RYR2: variants seen among roughly 807,000 people sequenced by gnomAD.
The protein encoded by RYR2 is ryanodine receptor 2.
RYR2 carries 227 observed loss-of-function variants against 601.1 expected under a neutral mutation model. That is an observed-to-expected ratio of 0.38 (90% CI 0.34 to 0.42). The LOEUF is 0.42. RYR2 is among the 10% of genes least tolerant of loss of function. The pLI is 1.00. For missense variants in RYR2, 4,646 were observed against 6,156.5 expected, an observed-to-expected ratio of 0.75 and a Z score of 8.21; for synonymous variants, 2,223 against 2,175.1, an observed-to-expected ratio of 1.02 and a Z score of -0.61.
At chr1:237,348,331 CA>C (rs927864385) in intron 3 of RYR2, among the ~76,000 whole-genome samples, 1 of 152,118 alleles carries the variant, frequency 6.6e-6, no homozygotes, top group Non-Finnish European at 1.5e-5. Context: ...GAAAGCAGAT[CA>C]AAAGCTCAGC....
intron 10 of RYR2, among the ~76,000 whole-genome samples, chr1:237,414,660 A>G (rs1199684731): frequency 6.6e-6 from 1 of 152,194 alleles, no homozygotes; most frequent in East Asian, 1.9e-4. Flanking sequence ...GCAAACATTT[A>G]TAATTTCTTT....
chr1:237,444,990 G>A (rs1708206340), intron 13 of RYR2, among the ~76,000 whole-genome samples: 1 of 152,108 alleles, frequency 6.6e-6, no homozygotes, highest in African/African-American at 2.4e-5. Context: ...GTTCAATGTA[G>A]ATATGTGAAA....
intron 80 of RYR2, among the ~76,000 whole-genome samples, chr1:237,745,268 T>C (rs1691976323): frequency 6.6e-6 from 1 of 152,212 alleles, no homozygotes; most frequent in African/African-American, 2.4e-5. Context: ...CTTAATAATA[T>C]ATTATGGGCT....
chr1:237,520,817 C>T (rs1022497477), intron 24 of RYR2, among the ~76,000 whole-genome samples: 7 of 152,052 alleles, frequency 4.6e-5, no homozygotes, highest in Non-Finnish European at 7.4e-5. Flanking sequence ...GGGTGGATCA[C>T]TTGAGGTCAG....
At chr1:237,742,783 C>A (rs1156518637) in intron 80 of RYR2, among the ~76,000 whole-genome samples, 1 of 152,208 alleles carries the variant, frequency 6.6e-6, no homozygotes, top group Non-Finnish European at 1.5e-5. Flanking sequence ...AATTAGATCA[C>A]TCATTCCATG....
chr1:237,520,454 C>T (rs1285058045), intron 24 of RYR2, among the ~76,000 whole-genome samples: 1 of 152,064 alleles, frequency 6.6e-6, no homozygotes, highest in African/African-American at 2.4e-5. Context: ...TGTATATGGC[C>T]TTTATTATTT....
intron 29 of RYR2, among the ~76,000 whole-genome samples, chr1:237,572,170 A>G (rs986729440): frequency 8.5e-5 from 13 of 152,114 alleles, no homozygotes; most frequent in Non-Finnish European, 1.0e-4. Context: ...TAGGGATGTC[A>G]AAGTATTAGT....
intron 17 of RYR2, among the ~76,000 whole-genome samples, chr1:237,471,579 A>T (rs1209572814): frequency 6.6e-6 from 1 of 152,224 alleles, no homozygotes; most frequent in Non-Finnish European, 1.5e-5. Context: ...GCCTCAGAGC[A>T]GAGTGTTAAC....
intron 10 of RYR2, among the ~76,000 whole-genome samples, chr1:237,393,535 C>A (rs1471577674): frequency 6.6e-6 from 1 of 152,160 alleles, no homozygotes; most frequent in African/African-American, 2.4e-5. Flanking sequence ...CTTTGGCCAC[C>A]ACCTAGGAGG....
At chr1:237,529,760 T>TACACACACACACACACACACACACACAC (rs71561882) in intron 24 of RYR2, among the ~76,000 whole-genome samples, 4 of 134,590 alleles carry the variant, frequency 3.0e-5, no homozygotes, top group African/African-American at 1.1e-4. Flanking sequence ...AATAATATCA[T>TACACACACACACACACACACACACACAC]ACACACACAC....
chr1:237,266,042 G>T (rs946520936), intron 1 of RYR2, among the ~76,000 whole-genome samples: 1 of 152,086 alleles, frequency 6.6e-6, no homozygotes, highest in Non-Finnish European at 1.5e-5. Flanking sequence ...GAGTATTTAA[G>T]GGTGCTTTCA....
chr1:237,509,953 GC>G (rs1415687625), intron 23 of RYR2, among the ~76,000 whole-genome samples: 1 of 152,216 alleles, frequency 6.6e-6, no homozygotes, highest in Non-Finnish European at 1.5e-5. Flanking sequence ...GGACACCTCT[GC>G]TGTGGTGTGG....
At chr1:237,407,293 A>G (rs1053742348) in intron 10 of RYR2, among the ~76,000 whole-genome samples, 1 of 152,322 alleles carries the variant, frequency 6.6e-6, no homozygotes, top group South Asian at 2.1e-4. Flanking sequence ...GTATAGACCT[A>G]ATTTATTTGG....
At chr1:237,357,286 C>T (rs1226823290) in intron 4 of RYR2, among the ~76,000 whole-genome samples, 2 of 152,114 alleles carry the variant, frequency 1.3e-5, no homozygotes, top group Non-Finnish European at 2.9e-5. Flanking sequence ...TCACATTTTT[C>T]TTGTCTTGGT....
intron 25 of RYR2, among the ~76,000 whole-genome samples, chr1:237,545,745 T>A (rs1227934645): frequency 2.0e-5 from 3 of 147,596 alleles, no homozygotes; most frequent in Non-Finnish European, 3.0e-5. Flanking sequence ...GAGCTTTTTC[T>A]TGAAAAATAA....
chr1:237,426,710 C>G (rs4388696), intron 12 of RYR2, among the ~76,000 whole-genome samples: 1 of 152,042 alleles, frequency 6.6e-6, no homozygotes, highest in Non-Finnish European at 1.5e-5. Flanking sequence ...AAACATGAAC[C>G]GGTACATCAC....
chr1:237,239,111 A>C (rs979230486), intron 1 of RYR2, among the ~76,000 whole-genome samples: 2 of 152,170 alleles, frequency 1.3e-5, no homozygotes, highest in Non-Finnish European at 2.9e-5. Flanking sequence ...TCCCATCTCT[A>C]TATATGCATA....
At chr1:237,464,578 T>A (rs756604265) in intron 16 of RYR2, among the ~76,000 whole-genome samples, 39 of 152,112 alleles carry the variant, frequency 2.6e-4, no homozygotes, top group Non-Finnish European at 4.7e-4. Flanking sequence ...CTAATATCAA[T>A]CTTCCTCAAG....
chr1:237,437,336 G>A (rs1050825662), intron 12 of RYR2, among the ~76,000 whole-genome samples: 4 of 152,158 alleles, frequency 2.6e-5, no homozygotes, highest in Non-Finnish European at 5.9e-5. Flanking sequence ...ACAGGCGTGA[G>A]CCACCGCGCC....
Sources: gnomAD v4.1 joint callset for allele counts (sites outside exome capture counted in the v4.1 genomes callset) on GRCh38, gnomAD v4.1.1 for gene constraint, MANE v1.5 for transcripts, NCBI Gene and HGNC (gene_info 2026-07-23, HGNC 2026-07-21) for gene names.